ALDH4A1: variants seen among roughly 807,000 people sequenced by gnomAD.
The protein encoded by ALDH4A1 is delta-1-pyrroline-5-carboxylate dehydrogenase, mitochondrial.
A neutral mutation model predicts 70.5 loss-of-function variants in ALDH4A1; 46 were observed. The ratio of observed to expected loss-of-function variants is 0.65; its 90% CI spans 0.51 to 0.83. ALDH4A1 has a LOEUF of 0.83. Ranked by LOEUF, ALDH4A1 falls within the 40% of genes least tolerant of loss-of-function variation. The pLI is 0.00. For missense variants in ALDH4A1, 749 were observed against 766.5 expected, an observed-to-expected ratio of 0.98 and a Z score of 0.27; for synonymous variants, 323 against 324.3, an observed-to-expected ratio of 1.00 and a Z score of 0.04.
intron 9 of ALDH4A1, among the ~76,000 whole-genome samples, chr1:18,878,009 G>A (rs1262035976): frequency 1.3e-5 from 2 of 152,056 alleles, no homozygotes; most frequent in African/African-American, 2.4e-5. Flanking sequence ...CGTCCACGAG[G>A]GACATTGGAG....
At chr1:18,877,900 C>G (rs997111349) in intron 9 of ALDH4A1, among the ~76,000 whole-genome samples, 17 of 152,180 alleles carry the variant, frequency 1.1e-4, no homozygotes, top group African/African-American at 4.1e-4. Flanking sequence ...ACTGAAACTA[C>G]CCAACACAAC....
chr1:18,879,816 C>T (rs1198496673), intron 8 of ALDH4A1, among the ~76,000 whole-genome samples: 2 of 152,182 alleles, frequency 1.3e-5, no homozygotes, highest in African/African-American at 2.4e-5. Flanking sequence ...CCAAGCCCAG[C>T]GCCCAGGCCT....
chr1:18,877,274 C>T lies in ALDH4A1; in HGVS notation c.1138-19G>A. On this transcript the variant is annotated intron_variant, in intron 10 of 14. Transcript: ENST00000375341. ...CTGCAGGCTGGAGGCAAGGGAGGCG[C>T]CAGAAGAGACGAGTCACTGCAGGCC... 2 of 1,599,004 alleles carry T rather than the reference C, an allele frequency of 1.3e-6. No individual in the cohort carries two copies. The highest frequency in any genetic ancestry group is 2.3e-5 in the East Asian group (1 of 43,876).
Position 18,900,910 on chromosome 1 carries a change from G to C in ALDH4A1, c.62+1552C>G, listed in dbSNP as rs1043475131. On this transcript the variant is annotated intron_variant, in intron 1 of 14. Transcript: ENST00000375341. Reference sequence around the variant, plus strand: ...TTAGGCCCATGGTGCTTGATTGCTTGATAATCATTATTGTTATCATGGGCT... The same window carrying C: ...TTAGGCCCATGGTGCTTGATTGCTTCATAATCATTATTGTTATCATGGGCT... 7.1e-6 allele frequency: 7 copies of C among 984,700 alleles called. No individual in the cohort carries two copies. In the African/African-American group the frequency reaches 8.7e-5, roughly 12 times the overall value. 61.0% of individuals were successfully genotyped at this position (984,700 alleles called of 1,614,324 possible). A position where few individuals can be genotyped will look rare whatever the true frequency, so the allele number is the denominator to read the frequency against.
Position 18,892,818 on chromosome 1 carries a change from G to A in ALDH4A1, c.63-2713C>T, listed in dbSNP as rs535004312. On this transcript the variant is annotated intron_variant, in intron 1 of 14. Coordinates refer to ENST00000375341, the MANE Select transcript of ALDH4A1 (RefSeq NM_003748.4). ...TAAAACACTGACACCCCCTCATGGGGTTAATATGGAGATTTGATAACGATA... is the reference window on the plus strand; with the variant it reads ...TAAAACACTGACACCCCCTCATGGGATTAATATGGAGATTTGATAACGATA... 1.4e-3 allele frequency among the ~76,000 whole-genome samples: 214 copies of A among 152,260 alleles called. 5 individuals are homozygous for A. In the South Asian group the frequency reaches 0.015, roughly 11 times the overall value.
intron 8 of ALDH4A1, 111 bp from the exon 9 acceptor site, chr1:18,879,484 A>G: frequency 1.1e-6 from 1 of 935,024 alleles, no homozygotes; most frequent in Admixed American, 2.0e-5. Flanking sequence ...GTGGGAGCCA[A>G]GTCGGGGATG....
Position 18,881,873 on chromosome 1 carries a change from T to C in ALDH4A1, c.693A>G (p.Leu231=), listed in dbSNP as rs775893554. 5.0e-6 allele frequency: 8 copies of C among 1,613,524 alleles called. No individual in the cohort carries two copies. Among genetic ancestry groups the C allele is most frequent in the Middle Eastern group, 1.7e-4 (1 of 6,042 alleles). Residue 231 remains leucine, a synonymous_variant, in exon 8 of 15, where the codon CTA becomes CTG. Transcript: ENST00000375341. ...GCATGGCAGTGTCACTGGGCTTCCA[T>C]AGGACCACGTTGCCCTGCCCGGGAG... is the stretch of plus-strand genomic sequence containing the variant. ...GAPALMGNVV[L]WKPSDTAMLA...
chr1:18,898,952 G>A lies in ALDH4A1; in HGVS notation c.62+3510C>T, dbSNP rs1935711753. ...CTCACAGAGCACGCATTCGGTACCA[G>A]CATCCAGGAAACCACTGATCACATC... On this transcript the variant is annotated intron_variant, in intron 1 of 14. Transcript: ENST00000375341. The surrounding 1 kb of genome is among the most constrained non-coding windows in gnomAD (Gnocchi z 4.3). 6.6e-6 allele frequency among the ~76,000 whole-genome samples: 1 copy of A among 152,236 alleles called. No individual in the cohort carries two copies. Among genetic ancestry groups the A allele is most frequent in the Non-Finnish European group, 1.5e-5 (1 of 68,036 alleles).
intron 2 of ALDH4A1, 33 bp downstream of exon 2, chr1:18,889,979 G>A (rs1332585280): frequency 1.3e-6 from 2 of 1,536,324 alleles, no homozygotes; most frequent in African/African-American, 1.4e-5. Flanking sequence ...TCCATGCCCT[G>A]CACCTCTCGG....
chr1:18,885,448 C>CCCCCCCCCCCCCCCCCCCCCCCCCCCCA, intron 5 of ALDH4A1, 25 bp downstream of exon 5: 1 of 1,240,856 alleles, frequency 8.1e-7, no homozygotes, highest in East Asian at 2.6e-5. Context: ...CCCGCCCCAC[C>CCCCCCCCCCCCCCCCCCCCCCCCCCCCA]CACCCGGGCC....
chr1:18,876,661 C>CTGTGTGTGTGTGTGTGTGTGTG (rs10524811), intron 11 of ALDH4A1, among the ~76,000 whole-genome samples, 194 bp from the exon 12 acceptor site: 16,461 of 146,624 alleles, frequency 0.11, 1,006 homozygotes, highest in Admixed American at 0.13. Flanking sequence ...GACATGAACA[C>CTGTGTGTGTGTGTGTGTGTGTG]TGTGTGTGTG....
intron 7 of ALDH4A1, among the ~76,000 whole-genome samples, chr1:18,882,824 C>T (rs547673086): frequency 6.6e-5 from 10 of 152,370 alleles, no homozygotes; most frequent in African/African-American, 2.4e-4. Flanking sequence ...GGATGTGTCT[C>T]ATTTGAGCCT....
At chr1:18,882,820 G>A (rs1935034960) in intron 7 of ALDH4A1, 1 of 599,770 alleles carries the variant, frequency 1.7e-6, no homozygotes, top group Non-Finnish European at 3.1e-6. Flanking sequence ...TGCTGGATGT[G>A]TCTCATTTGA....
At chr1:18,879,718 A>C (rs79169451) in intron 8 of ALDH4A1, among the ~76,000 whole-genome samples, 1,534 of 152,286 alleles carry the variant, frequency 0.01, 29 homozygotes, top group African/African-American at 0.034. Context: ...GATGAGTTCA[A>C]GTGTGAGGCA....
chr1:18,885,427 T>TACCACC, intron 5 of ALDH4A1, 46 bp downstream of exon 5: 2 of 650,922 alleles, frequency 3.1e-6, no homozygotes, highest in East Asian at 3.2e-5. Flanking sequence ...CACACCTGAC[T>TACCACC]CCCACCCCAC....
rs1305619241 is a variant in ALDH4A1, at chr1:18,898,038, G to A, written c.62+4424C>T. 1.3e-5 allele frequency among the ~76,000 whole-genome samples: 2 copies of A among 151,612 alleles called. No homozygotes were observed. Among genetic ancestry groups the A allele is most frequent in the African/African-American group, 2.4e-5 (1 of 41,302 alleles). ...AGGGTCAAAACCCTAACAGAAGGTCGGACGCAGTGGCTCACGCCTATAATC... is the reference window on the plus strand; with the variant it reads ...AGGGTCAAAACCCTAACAGAAGGTCAGACGCAGTGGCTCACGCCTATAATC... On this transcript the variant is annotated intron_variant, in intron 1 of 14. Transcript: ENST00000375341. The surrounding 1 kb of genome is among the most constrained non-coding windows in gnomAD (Gnocchi z 4.3).
intron 1 of ALDH4A1, among the ~76,000 whole-genome samples, chr1:18,894,267 G>A (rs1468573932): frequency 6.6e-6 from 1 of 152,212 alleles, no homozygotes; most frequent in African/African-American, 2.4e-5. Context: ...TAGGCCGGTT[G>A]CAGTGGCTCA....
In ALDH4A1 at chr1:18,898,614, G is replaced by A. The variant is rs74056681; in HGVS notation, c.62+3848C>T. ...CATGTATGAGACCATTTAACACGCA[G>A]GACAATCCTATGAGGTGACTACTAC... On this transcript the variant is annotated intron_variant, in intron 1 of 14. Coordinates refer to ENST00000375341, the MANE Select transcript of ALDH4A1 (RefSeq NM_003748.4). The surrounding 1 kb of genome is among the most constrained non-coding windows in gnomAD (Gnocchi z 4.3). 7.0e-3 allele frequency among the ~76,000 whole-genome samples: 1,068 copies of A among 152,318 alleles called. 14 individuals are homozygous for A. Among genetic ancestry groups the A allele is most frequent in the African/African-American group, 0.024 (986 of 41,576 alleles).
chr1:18,898,041 C>T lies in ALDH4A1; in HGVS notation c.62+4421G>A, dbSNP rs768927545. Among the ~76,000 whole-genome samples the T allele has an allele frequency of 7.9e-5, 12 of 152,078 alleles. No individual in the cohort carries two copies. Among genetic ancestry groups the T allele is most frequent in the African/African-American group, 2.2e-4 (9 of 41,414 alleles). On this transcript the variant is annotated intron_variant, in intron 1 of 14. Transcript: ENST00000375341. This position sits in a 1 kb window ranked among gnomAD's most constrained non-coding sequence, Gnocchi z 4.3. Reference sequence around the variant, plus strand: ...GTCAAAACCCTAACAGAAGGTCGGACGCAGTGGCTCACGCCTATAATCCCA... The same window carrying T: ...GTCAAAACCCTAACAGAAGGTCGGATGCAGTGGCTCACGCCTATAATCCCA...
Sources: gnomAD v4.1 joint callset for allele counts (sites outside exome capture counted in the v4.1 genomes callset) on GRCh38, gnomAD v4.1.1 for gene constraint, Gnocchi (gnomAD v3.1) non-coding constraint, MANE v1.5 for transcripts, NCBI Gene and HGNC (gene_info 2026-07-23, HGNC 2026-07-21) for gene names.